The following ARHGEF18 variants were observed in gnomAD, a reference collection of about 807,000 sequenced individuals.
ARHGEF18 encodes the protein Rho/Rac guanine nucleotide exchange factor 18, also known as rho guanine nucleotide exchange factor 18.
In ARHGEF18, 93 loss-of-function variants were observed where a neutral mutation model predicts 155.7. That is an observed-to-expected ratio of 0.60 (90% CI 0.50 to 0.71). ARHGEF18 has a LOEUF of 0.71. Ranked by LOEUF, ARHGEF18 falls within the 30% of genes least tolerant of loss-of-function variation. The pLI is 0.00. For missense variants in ARHGEF18, 1,593 were observed against 1,816.1 expected (o/e 0.88, Z 2.23); for synonymous variants, 742 against 753.1 (o/e 0.99, Z 0.24).
intron 15 of ARHGEF18, among the ~76,000 whole-genome samples, chr19:7,450,887 G>A (rs1600490734): frequency 1.7e-4 from 9 of 54,250 alleles, no homozygotes; most frequent in Non-Finnish European, 2.2e-4. Context: ...ATGTTAATGC[G>A]GGGTCTTGCT....
At chr19:7,437,890 G>A (rs889782212) in intron 10 of ARHGEF18, among the ~76,000 whole-genome samples, 5 of 151,722 alleles carry the variant, frequency 3.3e-5, no homozygotes, top group Admixed American at 2.0e-4. Context: ...TGATCCACCC[G>A]CGTCGGCCTT....
At chr19:7,364,348 GAAGGAAGGAGGGAAGGA>G (rs1165492013) in intron 2 of ARHGEF18, among the ~76,000 whole-genome samples, 6 of 126,494 alleles carry the variant, frequency 4.7e-5, no homozygotes, top group African/African-American at 1.8e-4. Context: ...AGGAAGAAAG[GAAGGAAGGAGGGAAGGA>G]AAGGAAGGAA....
At chr19:7,477,462 C>T (rs1347806728), downstream of ARHGEF18, 1 of 1,393,690 alleles carries the variant, frequency 7.2e-7, no homozygotes, top group South Asian at 1.6e-5. Flanking sequence ...GGGCCGCTTA[C>T]ACTCACGCTC....
At chr19:7,468,157 C>T (rs10412947) in intron 26 of ARHGEF18, among the ~76,000 whole-genome samples, 32,455 of 151,262 alleles carry the variant, frequency 0.21, 4,614 homozygotes, top group African/African-American at 0.41. Flanking sequence ...GCCGTGATCA[C>T]GCCACTGCAC....
intron 5 of ARHGEF18, among the ~76,000 whole-genome samples, chr19:7,377,103 C>T (rs1970495186): frequency 6.6e-6 from 1 of 150,424 alleles, no homozygotes; most frequent in Non-Finnish European, 1.5e-5. Flanking sequence ...TAGAGTCTTG[C>T]TCTGTCGCCC....
At chr19:7,375,332 AAGG>A (rs1489095840) in intron 3 of ARHGEF18, among the ~76,000 whole-genome samples, 2 of 136,750 alleles carry the variant, frequency 1.5e-5, no homozygotes, top group East Asian at 2.1e-4. Context: ...AAAGAAAGAA[AAGG>A]AAGAAAGAAA....
chr19:7,454,787 C>T (rs1020894955), intron 17 of ARHGEF18, among the ~76,000 whole-genome samples: 1 of 152,244 alleles, frequency 6.6e-6, no homozygotes. Flanking sequence ...GGTGGCACAT[C>T]GAGACACCCC....
intron 10 of ARHGEF18, among the ~76,000 whole-genome samples, chr19:7,386,114 G>A (rs746684368): frequency 1.3e-5 from 2 of 149,132 alleles, no homozygotes; most frequent in Admixed American, 6.8e-5. Context: ...TGAAATCCTC[G>A]GCTTAAGGAA....
intron 4 of ARHGEF18, among the ~76,000 whole-genome samples, chr19:7,376,143 G>T (rs891327255): frequency 6.6e-6 from 1 of 152,198 alleles, no homozygotes; most frequent in African/African-American, 2.4e-5. Flanking sequence ...GGGGATGGGG[G>T]ATGTCTTATC....
chr19:7,456,284 C>CTATGGGACTTTTT (rs775846733), intron 17 of ARHGEF18, 43 bp from the exon 18 acceptor site: 1 of 1,594,650 alleles, frequency 6.3e-7, no homozygotes, highest in South Asian at 1.1e-5. Context: ...GACCTCCTGG[C>CTATGGGACTTTTT]TATGGGACTT....
intron 10 of ARHGEF18, among the ~76,000 whole-genome samples, chr19:7,415,445 G>T (rs1411691485): frequency 6.6e-6 from 1 of 151,554 alleles, no homozygotes; most frequent in Non-Finnish European, 1.5e-5. Context: ...CCCTTCCAGT[G>T]TGCCCTGCTC....
chr19:7,358,755 C>T (rs1280421169), intron 1 of ARHGEF18, among the ~76,000 whole-genome samples: 1 of 152,148 alleles, frequency 6.6e-6, no homozygotes, highest in African/African-American at 2.4e-5. Context: ...AGTCAGTGCA[C>T]CTCTCTAAAC....
At chr19:7,479,445 C>T in the ARHGEF18 span, among the ~76,000 whole-genome samples, 8,371 of 152,246 alleles carry the variant, frequency 0.055, 803 homozygotes, top group African/African-American at 0.19. Flanking sequence ...GATCGCACCA[C>T]TGCACTCCAG....
At chr19:7,479,479 G>C in the ARHGEF18 span, among the ~76,000 whole-genome samples, 3 of 152,296 alleles carry the variant, frequency 2.0e-5, no homozygotes, top group East Asian at 5.8e-4. Context: ...GGAAGACTGT[G>C]TCTCAAGAAA....
At chr19:7,361,933 G>A (rs2145339828) in intron 1 of ARHGEF18, among the ~76,000 whole-genome samples, 1 of 151,084 alleles carries the variant, frequency 6.6e-6, no homozygotes, top group Non-Finnish European at 1.5e-5. Context: ...CGGAGGTTGT[G>A]GTGAGCTGAG....
intron 10 of ARHGEF18, among the ~76,000 whole-genome samples, chr19:7,409,758 T>A (rs960417179): frequency 3.1e-5 from 2 of 65,224 alleles, no homozygotes; most frequent in African/African-American, 9.8e-5. Flanking sequence ...GGGTTTTTCT[T>A]TCTTTCTTTC....
At chr19:7,446,957 A>AGAT in intron 14 of ARHGEF18, 86 bp from the exon 15 acceptor site, 1 of 1,458,674 alleles carries the variant, frequency 6.9e-7, no homozygotes, top group East Asian at 2.4e-5. Context: ...TCTAATATTT[A>AGAT]TTTTAGCAGA....
intron 2 of ARHGEF18, among the ~76,000 whole-genome samples, chr19:7,368,064 A>G (rs1970025507): frequency 7.1e-6 from 1 of 141,416 alleles, no homozygotes; most frequent in Admixed American, 7.4e-5. Context: ...TATCTGCTCT[A>G]TGATTTACTT....
At chr19:7,407,814 C>A (rs76035563) in intron 10 of ARHGEF18, among the ~76,000 whole-genome samples, 1 of 151,490 alleles carries the variant, frequency 6.6e-6, no homozygotes, top group Non-Finnish European at 1.5e-5. Flanking sequence ...TACAAAAAAA[C>A]TAGCCGGGCG....
Sources: allele counts gnomAD v4.1 joint callset (sites outside exome capture counted in the v4.1 genomes callset), GRCh38; gene constraint gnomAD v4.1.1; transcripts MANE v1.5; gene names NCBI Gene and HGNC (gene_info 2026-07-23, HGNC 2026-07-21).